QTMAN: variants seen among roughly 807,000 people sequenced by gnomAD.
The protein encoded by QTMAN is tRNA-queuosine alpha-mannosyltransferase.
the QTMAN span, among the ~76,000 whole-genome samples, chr2:143,976,418 T>C: frequency 1.4e-4 from 21 of 152,334 alleles, no homozygotes; most frequent in African/African-American, 4.8e-4. Flanking sequence ...CTAACCTTCA[T>C]CTTTACTTCC....
chr2:144,005,354 A>G, the QTMAN span, among the ~76,000 whole-genome samples: 1 of 152,116 alleles, frequency 6.6e-6, no homozygotes, highest in African/African-American at 2.4e-5. Context: ...CCCCCTTCAT[A>G]TAGCTGTGTG....
the QTMAN span, among the ~76,000 whole-genome samples, chr2:144,041,910 G>T: frequency 6.6e-6 from 1 of 152,148 alleles, no homozygotes; most frequent in Non-Finnish European, 1.5e-5. Context: ...TATAGCAGGG[G>T]CAGGATTTTA....
the QTMAN span, among the ~76,000 whole-genome samples, chr2:144,296,388 T>C: frequency 6.6e-6 from 1 of 152,204 alleles, no homozygotes; most frequent in African/African-American, 2.4e-5. Context: ...AAATCACTAA[T>C]GTATATAATG....
chr2:144,202,375 G>C, the QTMAN span, among the ~76,000 whole-genome samples: 1 of 152,170 alleles, frequency 6.6e-6, no homozygotes, highest in African/African-American at 2.4e-5. Flanking sequence ...ATAAATGTTG[G>C]AGATGAAAGT....
chr2:144,049,752 G>A, the QTMAN span, among the ~76,000 whole-genome samples: 1 of 152,148 alleles, frequency 6.6e-6, no homozygotes, highest in African/African-American at 2.4e-5. Context: ...TCAGAATAGA[G>A]TCATACATAA....
At chr2:144,320,243 G>C in the QTMAN span, among the ~76,000 whole-genome samples, 1 of 152,162 alleles carries the variant, frequency 6.6e-6, no homozygotes, top group Non-Finnish European at 1.5e-5. Flanking sequence ...AGGTGCAACA[G>C]AGTCCATAGG....
chr2:144,302,180 G>A, the QTMAN span, among the ~76,000 whole-genome samples: 3 of 151,530 alleles, frequency 2.0e-5, no homozygotes, highest in Non-Finnish European at 4.4e-5. Flanking sequence ...AGTCATTGAG[G>A]GCTTACTTGT....
chr2:144,258,888 T>C, the QTMAN span, among the ~76,000 whole-genome samples: 2 of 152,194 alleles, frequency 1.3e-5, no homozygotes, highest in African/African-American at 4.8e-5. Context: ...AAAGTAATCA[T>C]GACAGGGTAT....
chr2:144,289,960 GA>G, the QTMAN span, among the ~76,000 whole-genome samples: 401 of 152,330 alleles, frequency 2.6e-3, 1 homozygote, highest in African/African-American at 9.2e-3. Context: ...AACTCAACTG[GA>G]TGTGTAAACA....
chr2:143,940,973 A>C, the QTMAN span: 1 of 152,240 alleles, frequency 6.6e-6, no homozygotes, highest in Non-Finnish European at 1.5e-5. Context: ...ATACACCTAG[A>C]GTAAGGTATT....
chr2:143,986,652 T>C, the QTMAN span, among the ~76,000 whole-genome samples: 1 of 152,230 alleles, frequency 6.6e-6, no homozygotes, highest in Non-Finnish European at 1.5e-5. Context: ...GATGGTTAGA[T>C]GGATAGGTGA....
the QTMAN span, among the ~76,000 whole-genome samples, chr2:144,233,903 T>C: frequency 2.6e-5 from 4 of 152,226 alleles, no homozygotes; most frequent in South Asian, 2.1e-4. Context: ...CCAAGTCATA[T>C]AGTTACCTGT....
chr2:143,974,298 C>T, the QTMAN span, among the ~76,000 whole-genome samples: 1 of 151,976 alleles, frequency 6.6e-6, no homozygotes, highest in Non-Finnish European at 1.5e-5. Flanking sequence ...AAATAATAAG[C>T]CTTAAAATAT....
chr2:144,103,145 G>T, the QTMAN span, among the ~76,000 whole-genome samples: 1 of 152,134 alleles, frequency 6.6e-6, no homozygotes, highest in East Asian at 1.9e-4. Flanking sequence ...TTACCATAAG[G>T]CTAATATAGA....
chr2:144,164,293 C>T, the QTMAN span, among the ~76,000 whole-genome samples: 1 of 151,820 alleles, frequency 6.6e-6, no homozygotes, highest in African/African-American at 2.4e-5. Flanking sequence ...GATAAATGGG[C>T]CTATGAGAGT....
the QTMAN span, among the ~76,000 whole-genome samples, chr2:144,294,137 C>G: frequency 6.6e-6 from 1 of 152,130 alleles, no homozygotes; most frequent in African/African-American, 2.4e-5. Flanking sequence ...AAATGCCCTC[C>G]CTGCGCTATT....
chr2:144,260,939 C>A, the QTMAN span, among the ~76,000 whole-genome samples: 3 of 151,796 alleles, frequency 2.0e-5, no homozygotes, highest in Non-Finnish European at 4.4e-5. Flanking sequence ...AAAGCAAAAT[C>A]TAAATAAATA....
At chr2:144,237,989 C>A in the QTMAN span, among the ~76,000 whole-genome samples, 1,225 of 152,276 alleles carry the variant, frequency 8.0e-3, 5 homozygotes, top group Non-Finnish European at 0.013. Context: ...TAAGCAGATC[C>A]TCCAGGCTAG....
the QTMAN span, among the ~76,000 whole-genome samples, chr2:144,054,301 C>T: frequency 1.3e-5 from 2 of 152,132 alleles, no homozygotes; most frequent in African/African-American, 4.8e-5. Context: ...AGGTTCTTTG[C>T]TCACTCTAAT....
Sources: allele counts gnomAD v4.1 joint callset (sites outside exome capture counted in the v4.1 genomes callset), GRCh38; gene constraint gnomAD v4.1.1; transcripts MANE v1.5; gene names NCBI Gene and HGNC (gene_info 2026-07-23, HGNC 2026-07-21).